Variants in RAB28 observed in about 807,000 individuals in gnomAD.
RAB28 encodes the protein RAB28, member RAS oncogene family.
Under a neutral mutation model 31.7 loss-of-function variants are expected in RAB28, and 24 were observed. The observed-to-expected ratio is 0.76, with a 90% CI of 0.55 to 1.06. The LOEUF (loss-of-function observed/expected upper bound fraction) is 1.06. RAB28 is among the 50% of genes least tolerant of loss of function. The pLI is 0.00. For missense variants in RAB28, 254 were observed against 258.5 expected, an observed-to-expected ratio of 0.98 and a Z score of 0.12; for synonymous variants, 100 against 90.4, an observed-to-expected ratio of 1.11 and a Z score of -0.60.
At chr4:13,375,633 C>T (rs940983001) in intron 6 of RAB28, among the ~76,000 whole-genome samples, 3 of 152,180 alleles carry the variant, frequency 2.0e-5, no homozygotes, top group East Asian at 1.9e-4. Context: ...TTGGCCATAC[C>T]AAGTGCTAAA....
At chr4:13,387,928 A>G (rs932818041) in intron 4 of RAB28, among the ~76,000 whole-genome samples, 65 of 152,148 alleles carry the variant, frequency 4.3e-4, no homozygotes, top group African/African-American at 1.4e-3. Context: ...GACTTTCCCC[A>G]GGTCAAATTA....
intron 4 of RAB28, among the ~76,000 whole-genome samples, chr4:13,457,532 T>C (rs933235963): frequency 6.6e-6 from 1 of 151,724 alleles, no homozygotes; most frequent in African/African-American, 2.4e-5. Flanking sequence ...CATACACTAA[T>C]ATATAATCTC....
chr4:13,459,991 C>A, intron 4 of RAB28: 2 of 1,029,730 alleles, frequency 1.9e-6, no homozygotes, highest in Non-Finnish European at 2.7e-6. Flanking sequence ...ACCAAAGCAG[C>A]GGAGCAGTTA....
intron 4 of RAB28, among the ~76,000 whole-genome samples, chr4:13,443,267 G>A (rs1237472500): frequency 6.6e-6 from 1 of 151,712 alleles, no homozygotes; most frequent in Non-Finnish European, 1.5e-5. Flanking sequence ...TCCACCTCCT[G>A]AGTTCAAGCA....
At chr4:13,383,232 G>A (rs58465782) in intron 4 of RAB28, among the ~76,000 whole-genome samples, 5,902 of 152,068 alleles carry the variant, frequency 0.039, 183 homozygotes, top group African/African-American at 0.084. Flanking sequence ...ATCTTGTCAC[G>A]AGGAAAAATC....
At chr4:13,382,225 C>CT (rs1436421250) in intron 4 of RAB28, among the ~76,000 whole-genome samples, 7 of 152,192 alleles carry the variant, frequency 4.6e-5, no homozygotes, top group Admixed American at 1.3e-4. Flanking sequence ...GTTGTAGGTG[C>CT]TTTAAAGCAA....
chr4:13,459,087 C>CT (rs1715457013), intron 4 of RAB28, among the ~76,000 whole-genome samples: 1 of 152,164 alleles, frequency 6.6e-6, no homozygotes, highest in South Asian at 2.1e-4. Flanking sequence ...CGGCCTCCAT[C>CT]TTTTTCCTGT....
At chr4:13,423,463 C>A (rs1713292470) in intron 4 of RAB28, among the ~76,000 whole-genome samples, 1 of 147,576 alleles carries the variant, frequency 6.8e-6, no homozygotes, top group Non-Finnish European at 1.5e-5. Flanking sequence ...CCAACCTGGG[C>A]AACAAGTGAA....
chr4:13,390,194 G>A (rs1729564374), intron 4 of RAB28, among the ~76,000 whole-genome samples: 1 of 152,100 alleles, frequency 6.6e-6, no homozygotes, highest in South Asian at 2.1e-4. Context: ...AAGCTGATAA[G>A]CAACTTCAGC....
chr4:13,428,210 T>C (rs1043333176), intron 4 of RAB28, among the ~76,000 whole-genome samples: 1 of 152,234 alleles, frequency 6.6e-6, no homozygotes, highest in Non-Finnish European at 1.5e-5. Flanking sequence ...GTGGATTTCA[T>C]TTGTCTTTCA....
At chr4:13,447,367 C>T (rs551157258) in intron 4 of RAB28, among the ~76,000 whole-genome samples, 2 of 152,226 alleles carry the variant, frequency 1.3e-5, no homozygotes, top group East Asian at 1.9e-4. Flanking sequence ...TCCTAGATCC[C>T]TCCCTCTTTA....
chr4:13,481,996 G>T (rs1716627967), intron 1 of RAB28, among the ~76,000 whole-genome samples: 2 of 152,058 alleles, frequency 1.3e-5, no homozygotes, highest in Non-Finnish European at 2.9e-5. Flanking sequence ...CTTGATTTAA[G>T]AATAATGAAA....
chr4:13,471,827 C>T (rs531582694), intron 3 of RAB28, among the ~76,000 whole-genome samples: 17 of 151,908 alleles, frequency 1.1e-4, no homozygotes, highest in African/African-American at 2.9e-4. Context: ...TAAGTGTAAA[C>T]GATAAAATGC....
intron 1 of RAB28, among the ~76,000 whole-genome samples, chr4:13,483,395 C>T (rs186209041): frequency 1.3e-4 from 20 of 152,146 alleles, no homozygotes; most frequent in Admixed American, 6.5e-5. Flanking sequence ...TGACTGACTG[C>T]TTGTATCGAG....
rs747327469 is a variant in RAB28, at chr4:13,367,968, T to A, written c.*590A>T. The A allele has an allele frequency of 1.0e-6, 1 of 972,072 alleles. No individual in the cohort carries two copies. Among genetic ancestry groups the A allele is most frequent in the Non-Finnish European group, 1.2e-6 (1 of 818,004 alleles). 60.2% of individuals were successfully genotyped at this position (972,072 alleles called of 1,614,324 possible). A position where few individuals can be genotyped will look rare whatever the true frequency, so the allele number is the denominator to read the frequency against. On this transcript the variant is annotated 3_prime_UTR_variant, in exon 7 of 7. Coordinates refer to ENST00000330852, the MANE Select transcript of RAB28 (RefSeq NM_001017979.3). ...AAATATTACTTTGTGAGTTACAAACTACAATATAAACAATTTAGGCCCTTT... is the reference window on the plus strand; with the variant it reads ...AAATATTACTTTGTGAGTTACAAACAACAATATAAACAATTTAGGCCCTTT...
intron 4 of RAB28, among the ~76,000 whole-genome samples, chr4:13,419,507 A>T (rs555673603): frequency 2.6e-5 from 4 of 152,320 alleles, no homozygotes; most frequent in South Asian, 2.1e-4. Context: ...GAAGTAAAGC[A>T]CTCCTCAGCA....
At chr4:13,429,480 A>G (rs1304627430) in intron 4 of RAB28, among the ~76,000 whole-genome samples, 1 of 152,262 alleles carries the variant, frequency 6.6e-6, no homozygotes, top group African/African-American at 2.4e-5. Flanking sequence ...ACTTCTATAC[A>G]CTATCAATGA....
chr4:13,370,616 G>C, intron 6 of RAB28: 1 of 983,308 alleles, frequency 1.0e-6, no homozygotes, highest in Non-Finnish European at 1.2e-6. Context: ...GACATCAGAG[G>C]AAGGCATATG....
At chr4:13,379,204 T>A (rs1285148605) in intron 5 of RAB28, among the ~76,000 whole-genome samples, 5 of 25,244 alleles carry the variant, frequency 2.0e-4, no homozygotes, top group African/African-American at 6.8e-4. Context: ...AAACTCTGTC[T>A]CAAAAAAAAA....
Sources: gnomAD v4.1 joint callset for allele counts (sites outside exome capture counted in the v4.1 genomes callset) on GRCh38, gnomAD v4.1.1 for gene constraint, MANE v1.5 for transcripts, NCBI Gene and HGNC (gene_info 2026-07-23, HGNC 2026-07-21) for gene names.